Variants in GBE1 observed in about 807,000 individuals in gnomAD.
GBE1 encodes the protein 1,4-alpha-glucan branching enzyme 1, also known as 1,4-alpha-glucan-branching enzyme.
In GBE1, 70 loss-of-function variants were observed where a neutral mutation model predicts 88.8. The ratio of observed to expected loss-of-function variants is 0.79; its 90% confidence interval spans 0.65 to 0.96. The LOEUF (loss-of-function observed/expected upper bound fraction) is 0.96. GBE1 is among the 40% of genes least tolerant of loss of function. GBE1 has a pLI of 0.00. For missense variants in GBE1, 872 were observed against 871.0 expected (o/e 1.00, Z -0.01); for synonymous variants, 284 against 300.1 (o/e 0.95, Z 0.56).
chr3:81,684,705 AGC>A (rs1384049834), intron 2 of GBE1, among the ~76,000 whole-genome samples: 1 of 152,208 alleles, frequency 6.6e-6, no homozygotes, highest in African/African-American at 2.4e-5. Context: ...TCTCAATTAA[AGC>A]CATCCTGGAA....
In GBE1 at chr3:81,719,814, T is replaced by G. The variant is rs111599788; in HGVS notation, c.144-14201A>C. On this transcript the variant is annotated intron_variant, in intron 1 of 15. Coordinates refer to ENST00000429644, the MANE Select transcript of GBE1 (RefSeq NM_000158.4). ...TAAAAACTAACAAACACTAATTTTT[T>G]TACCTAAAACAATAATCAAAGATCA... is the stretch of plus-strand genomic sequence containing the variant. Among the ~76,000 whole-genome samples the G allele has an allele frequency of 1.3e-5, 2 of 152,288 alleles. 1 individual carries two copies. The highest frequency in any genetic ancestry group is 4.8e-5 in the African/African-American group (2 of 41,586).
intron 1 of GBE1, among the ~76,000 whole-genome samples, chr3:81,755,938 A>T (rs549072910): frequency 1.3e-5 from 2 of 151,680 alleles, no homozygotes; most frequent in East Asian, 3.9e-4. Context: ...CCTCAATACA[A>T]TTTTTTTTTA....
intron 14 of GBE1, among the ~76,000 whole-genome samples, chr3:81,521,659 T>C (rs1006775574): frequency 6.6e-6 from 1 of 151,544 alleles, no homozygotes; most frequent in African/African-American, 2.4e-5. Flanking sequence ...TTGCTGGTTA[T>C]GGGAGATGCT....
chr3:81,595,064 T>C (rs1703938170), intron 7 of GBE1, among the ~76,000 whole-genome samples: 1 of 151,088 alleles, frequency 6.6e-6, no homozygotes, highest in Non-Finnish European at 1.5e-5. Flanking sequence ...TGGGGAAAGA[T>C]GAGTGTTGTT....
intron 1 of GBE1, among the ~76,000 whole-genome samples, chr3:81,755,069 A>C (rs1706583728): frequency 6.6e-6 from 1 of 152,266 alleles, no homozygotes; most frequent in East Asian, 1.9e-4. Context: ...ATATCTGCAA[A>C]CTATCAGATA....
intron 12 of GBE1, among the ~76,000 whole-genome samples, chr3:81,548,801 A>G (rs901010553): frequency 6.6e-6 from 1 of 150,782 alleles, no homozygotes; most frequent in Non-Finnish European, 1.5e-5. Context: ...CAAGCAGAAG[A>G]TGAGTTAACT....
chr3:81,711,733 A>G (rs921660365), intron 1 of GBE1, among the ~76,000 whole-genome samples: 5 of 152,238 alleles, frequency 3.3e-5, no homozygotes, highest in Non-Finnish European at 5.9e-5. Flanking sequence ...ACCATTCAGG[A>G]CATAGGCAGG....
At chr3:81,723,744 C>T (rs963355307) in intron 1 of GBE1, among the ~76,000 whole-genome samples, 1 of 152,096 alleles carries the variant, frequency 6.6e-6, no homozygotes, top group Non-Finnish European at 1.5e-5. Flanking sequence ...TTACCACCAA[C>T]GCACAAAAGT....
chr3:81,625,790 C>A (rs1420188397), intron 7 of GBE1, among the ~76,000 whole-genome samples: 1 of 151,978 alleles, frequency 6.6e-6, no homozygotes, highest in Admixed American at 6.6e-5. Flanking sequence ...TATCACAAAG[C>A]TTAATCACCA....
At chr3:81,738,872 C>G (rs1038488095) in intron 1 of GBE1, among the ~76,000 whole-genome samples, 2 of 152,124 alleles carry the variant, frequency 1.3e-5, no homozygotes, top group Non-Finnish European at 2.9e-5. Flanking sequence ...ATTCAGGCTG[C>G]TATAACAAAA....
intron 15 of GBE1, among the ~76,000 whole-genome samples, chr3:81,494,887 C>T (rs1280289007): frequency 6.7e-6 from 1 of 148,816 alleles, no homozygotes; most frequent in African/African-American, 2.4e-5. Flanking sequence ...TGTTATTTTC[C>T]TCTAGGACTG....
chr3:81,667,413 T>G (rs1387966481), intron 3 of GBE1, among the ~76,000 whole-genome samples: 3 of 152,222 alleles, frequency 2.0e-5, no homozygotes, highest in African/African-American at 4.8e-5. Flanking sequence ...TGACTTCCTC[T>G]CTTCCTTTTT....
At chr3:81,638,026 A>G (rs1169163579) in intron 7 of GBE1, among the ~76,000 whole-genome samples, 1 of 152,136 alleles carries the variant, frequency 6.6e-6, no homozygotes, top group Non-Finnish European at 1.5e-5. Context: ...CACTCTGAGC[A>G]GGGAGAACCC....
intron 2 of GBE1, among the ~76,000 whole-genome samples, chr3:81,676,586 G>A (rs1431082983): frequency 6.6e-6 from 1 of 151,702 alleles, no homozygotes; most frequent in Non-Finnish European, 1.5e-5. Flanking sequence ...ACTAAAGAAG[G>A]TCTTACAGAG....
intron 6 of GBE1, among the ~76,000 whole-genome samples, chr3:81,645,167 T>G (rs1704746242): frequency 6.6e-6 from 1 of 152,204 alleles, no homozygotes; most frequent in Admixed American, 6.5e-5. Flanking sequence ...GCTACAAAAC[T>G]GGATGAGACT....
intron 1 of GBE1, among the ~76,000 whole-genome samples, chr3:81,725,264 A>T (rs758977339): frequency 6.6e-6 from 1 of 152,148 alleles, no homozygotes; most frequent in Non-Finnish European, 1.5e-5. Flanking sequence ...AATAATATGT[A>T]GCTTACAACA....
intron 2 of GBE1, among the ~76,000 whole-genome samples, chr3:81,702,260 A>C (rs543749068): frequency 6.6e-6 from 1 of 151,876 alleles, no homozygotes; most frequent in East Asian, 1.9e-4. Context: ...ACCCACGTGT[A>C]TATCTTTTTT....
intron 3 of GBE1, among the ~76,000 whole-genome samples, chr3:81,658,769 A>T (rs1181368335): frequency 1.3e-5 from 2 of 152,340 alleles, no homozygotes; most frequent in East Asian, 3.9e-4. Flanking sequence ...CAAAAACCTT[A>T]CAAAGTGAGG....
chr3:81,520,248 A>T (rs1455139934), intron 14 of GBE1, among the ~76,000 whole-genome samples: 2 of 151,256 alleles, frequency 1.3e-5, no homozygotes, highest in Non-Finnish European at 3.0e-5. Context: ...TGGCTGGGCA[A>T]CTCTGTCGGT....
Sources: gnomAD v4.1 joint callset for allele counts (sites outside exome capture counted in the v4.1 genomes callset) on GRCh38, gnomAD v4.1.1 for gene constraint, MANE v1.5 for transcripts, NCBI Gene and HGNC (gene_info 2026-07-23, HGNC 2026-07-21) for gene names.